The following KIF4A variants were observed in gnomAD, a reference collection of about 807,000 sequenced individuals.
KIF4A encodes the protein kinesin family member 4A.
A neutral mutation model predicts 105.9 loss-of-function variants in KIF4A; 7 were observed. The ratio of observed to expected loss-of-function variants is 0.07; its 90% CI spans 0.04 to 0.12. The LOEUF is 0.12. Ranked by LOEUF, KIF4A falls within the 10% of genes least tolerant of loss-of-function variation. KIF4A has a pLI of 1.00. For missense variants in KIF4A, 558 were observed against 929.2 expected (o/e 0.60, Z 5.19); for synonymous variants, 281 against 331.3 (o/e 0.85, Z 1.65).
intron 22 of KIF4A, 106 bp from the exon 23 acceptor site, chrX:70,402,460 C>T (rs1340511579): frequency 5.4e-5 from 50 of 919,264 alleles, no homozygotes; most frequent in Middle Eastern, 7.0e-4. Flanking sequence ...TGATATTTAA[C>T]TGATAGCTCC....
chrX:70,308,593 A>G (rs2085836346), intron 7 of KIF4A, among the ~76,000 whole-genome samples: 1 of 111,981 alleles, frequency 8.9e-6, no homozygotes, highest in South Asian at 3.7e-4. Context: ...TCTCTTCGTG[A>G]TACAACTTAG....
chrX:70,297,320 C>G, intron 4 of KIF4A, 132 bp downstream of exon 4: 1 of 575,365 alleles, frequency 1.7e-6, no homozygotes, highest in East Asian at 3.6e-5. Context: ...AGAAAACTTA[C>G]TGACTCAGTT....
At chrX:70,356,943 C>A (rs1433864625) in intron 15 of KIF4A, among the ~76,000 whole-genome samples, 1 of 112,067 alleles carries the variant, frequency 8.9e-6, no homozygotes, top group East Asian at 2.8e-4. Flanking sequence ...CATTTCCTTT[C>A]TTGTATAGCT....
chrX:70,323,101 C>T (rs111354726), intron 7 of KIF4A, among the ~76,000 whole-genome samples: 58 of 110,857 alleles, frequency 5.2e-4, no homozygotes, highest in Non-Finnish European at 1.0e-3. Flanking sequence ...CGTACTCTCT[C>T]ATCTATGTGT....
intron 7 of KIF4A, among the ~76,000 whole-genome samples, chrX:70,324,164 CA>C (rs2085902080): frequency 8.9e-6 from 1 of 112,001 alleles, no homozygotes; most frequent in Non-Finnish European, 1.9e-5. Flanking sequence ...ATGAAAAGCA[CA>C]AATTTTAAGT....
At chrX:70,386,115 CCT>C (rs931106825) in intron 18 of KIF4A, among the ~76,000 whole-genome samples, 2 of 110,318 alleles carry the variant, frequency 1.8e-5, no homozygotes, top group Non-Finnish European at 3.8e-5. Flanking sequence ...AAATGAGAAA[CCT>C]CTTTTTTTTT....
At chrX:70,379,721 G>A (rs761589904) in intron 18 of KIF4A, among the ~76,000 whole-genome samples, 1 of 108,253 alleles carries the variant, frequency 9.2e-6, no homozygotes, top group South Asian at 4.2e-4. Flanking sequence ...AACCCAGGTG[G>A]CGAAGGTTGC....
intron 7 of KIF4A, among the ~76,000 whole-genome samples, 194 bp from the exon 8 acceptor site, chrX:70,329,211 A>T (rs1447181244): frequency 1.8e-5 from 2 of 112,178 alleles, no homozygotes; most frequent in African/African-American, 6.5e-5. Flanking sequence ...ACTCAATCAT[A>T]CATATCCAAC....
chrX:70,369,009 G>T (rs1365495025), intron 15 of KIF4A, among the ~76,000 whole-genome samples: 1 of 112,393 alleles, frequency 8.9e-6, no homozygotes, highest in Non-Finnish European at 1.9e-5. Context: ...TGCTGTGCTA[G>T]CAATAAGCGA....
rs1226256913 is a variant in KIF4A at position 70,393,799 on chromosome X, CTCTTTCTTTCTT to C, written c.2233-1810_2233-1799del. ...AGGTGTGTTTCTTTTCTTTTCTTTT[CTCTTTCTTTCTT>C]TCTTTCTTTCTTTCTTTCTTTCTTT... On this transcript the variant is annotated intron_variant, in intron 20 of 30. Transcript: ENST00000374403. 7.5e-3 allele frequency among the ~76,000 whole-genome samples: 439 copies of C among 58,520 alleles called. 11 individuals are homozygous for C. Among genetic ancestry groups the C allele is most frequent in the African/African-American group, 0.012 (160 of 13,371 alleles). 50.8% of individuals were successfully genotyped at this position (58,520 alleles called of 115,157 possible). A position where few individuals can be genotyped will look rare whatever the true frequency, so the allele number is the denominator to read the frequency against.
intron 20 of KIF4A, among the ~76,000 whole-genome samples, chrX:70,394,786 A>G (rs1219606927): frequency 8.9e-6 from 1 of 112,065 alleles, no homozygotes; most frequent in African/African-American, 3.2e-5. Flanking sequence ...CTATTGAACA[A>G]TCGGCTCCTT....
rs2085787128 is a variant in KIF4A, at chrX:70,297,304, T to G, written c.426+116T>G. The G allele has an allele frequency of 4.5e-6, 3 of 662,330 alleles. No homozygotes were observed. The South Asian group carries it at 9.1e-5, about 20-fold the overall frequency. 54.6% of individuals were successfully genotyped at this position (662,330 alleles called of 1,213,427 possible). On this transcript the variant is annotated intron_variant, in intron 4 of 30. Transcript: ENST00000374403. ...ATTAGTAAGTTGCATTTTAATTAAT[T>G]GATAGAGAAAACTTACTGACTCAGT... is the stretch of plus-strand genomic sequence containing the variant.
intron 20 of KIF4A, among the ~76,000 whole-genome samples, chrX:70,391,075 A>C (rs1259933793): frequency 8.9e-6 from 1 of 112,006 alleles, no homozygotes; most frequent in Non-Finnish European, 1.9e-5. Context: ...TGCTGTTAAA[A>C]ACACATACAC....
intron 23 of KIF4A, 26 bp from the exon 24 acceptor site, chrX:70,403,838 A>C (rs2086290598): frequency 8.6e-7 from 1 of 1,164,611 alleles, no homozygotes. Flanking sequence ...TCTTCAAATA[A>C]ACTGATCTTC....
chrX:70,367,309 A>G (rs1401328299), intron 15 of KIF4A, among the ~76,000 whole-genome samples: 4 of 110,987 alleles, frequency 3.6e-5, no homozygotes, highest in Non-Finnish European at 1.9e-5. Context: ...TTAGCTGGTT[A>G]TTTTGCTCGT....
chrX:70,382,196 G>A (rs749097291), intron 18 of KIF4A, among the ~76,000 whole-genome samples: 10 of 112,414 alleles, frequency 8.9e-5, no homozygotes, highest in Non-Finnish European at 1.5e-4. Context: ...GTGGGATGCC[G>A]AGGCGGGTGG....
chrX:70,419,888 C>T (rs2086359765), intron 30 of KIF4A, 105 bp downstream of exon 30: 3 of 1,104,477 alleles, frequency 2.7e-6, no homozygotes, highest in South Asian at 2.0e-5. Flanking sequence ...AAGGTGTAAT[C>T]AGCTTGCTGG....
rs1271460797 is a variant in KIF4A at position 70,352,601 on chromosome X, A to G, written c.1433A>G (p.Asp478Gly). The G allele has an allele frequency of 2.5e-6, 3 of 1,200,655 alleles. No individual in the cohort carries two copies. Among genetic ancestry groups the G allele is most frequent in the Non-Finnish European group, 3.4e-6 (3 of 886,571 alleles). Residue 478 changes from aspartate to glycine, a missense_variant and splice_region_variant, in exon 14 of 31, where the codon GAT (aspartate) becomes GGT (glycine). Coordinates refer to ENST00000374403, the MANE Select transcript of KIF4A (RefSeq NM_012310.5). Reference sequence around the variant, plus strand: ...AAACCAAAACATTTGTTACTGCAGGATGAAACTGTTGCTTGCATGGCTGCA... The same window carrying G: ...AAACCAAAACATTTGTTACTGCAGGGTGAAACTGTTGCTTGCATGGCTGCA... ...NLQQLITQLS[D>G]ETVACMAAAI...
At chrX:70,366,970 CTT>C (rs1436417232) in intron 15 of KIF4A, among the ~76,000 whole-genome samples, 6 of 112,047 alleles carry the variant, frequency 5.4e-5, no homozygotes, top group African/African-American at 1.9e-4. Context: ...ATAGTTAGCT[CTT>C]CTTGTTGAAT....
Sources: allele counts gnomAD v4.1 joint callset (sites outside exome capture counted in the v4.1 genomes callset), GRCh38; gene constraint gnomAD v4.1.1; transcripts MANE v1.5; gene names NCBI Gene and HGNC (gene_info 2026-07-23, HGNC 2026-07-21).